RALGAPA2: variants seen among roughly 807,000 people sequenced by gnomAD.
RALGAPA2 encodes the protein ral GTPase-activating protein subunit alpha-2.
Under a neutral mutation model 230.4 loss-of-function variants are expected in RALGAPA2, and 139 were observed. The observed-to-expected ratio is 0.60, with a 90% CI of 0.53 to 0.69. RALGAPA2 has a LOEUF of 0.69. Ranked by LOEUF, RALGAPA2 falls within the 30% of genes least tolerant of loss-of-function variation. The pLI is 0.00. For synonymous variants in RALGAPA2, 847 were observed against 837.8 expected (o/e 1.01, Z -0.19); for missense variants, 2,163 against 2,276.0 (o/e 0.95, Z 1.01).
chr20:20,578,184 T>C (rs1404267006), intron 20 of RALGAPA2, among the ~76,000 whole-genome samples: 2 of 152,098 alleles, frequency 1.3e-5, no homozygotes, highest in African/African-American at 4.8e-5. Context: ...TGAACAAAAA[T>C]GTTAATGAGT....
chr20:20,629,562 C>G lies in RALGAPA2; in HGVS notation c.1034G>C (p.Arg345Thr). 4 of 1,613,582 alleles carry G rather than the reference C, an allele frequency of 2.5e-6. No homozygotes were observed. The highest frequency in any genetic ancestry group is 1.1e-5 in the South Asian group (1 of 91,044). The stretch of plus-strand genomic sequence containing the variant: ...CCCACCACCATCCAGCTCAGGCGCT[C>G]TCTCCTGCACAGCACCACCACCAAC... Reference protein sequence around the residue: ...QTVGGGAVQERAPELDGGGPT... With the variant: ...QTVGGGAVQETAPELDGGGPT... The change falls in exon 10 of 40, where the codon AGA becomes ACA. Residue 345 changes from arginine to threonine, a missense_variant. Coordinates refer to ENST00000202677, the MANE Select transcript of RALGAPA2 (RefSeq NM_020343.4).
intron 3 of RALGAPA2, among the ~76,000 whole-genome samples, chr20:20,666,690 CTATG>C (rs1848334342): frequency 6.6e-6 from 1 of 152,094 alleles, no homozygotes; most frequent in South Asian, 2.1e-4. Context: ...TGCCACCTTG[CTATG>C]TATTATTTGC....
At position 20,558,914 on chromosome 20, in the gene RALGAPA2, G is replaced by A. The variant is rs953451265; in HGVS notation, c.3157-12082C>T. On this transcript the variant is annotated intron_variant, in intron 23 of 39. Coordinates refer to ENST00000202677, the MANE Select transcript of RALGAPA2 (RefSeq NM_020343.4). ...TCATATGGTGAAATCGGGAAGCCTG[G>A]CTCTCAGGTTTGGGTGAAAATGAGT... is the stretch of plus-strand genomic sequence containing the variant. 4.6e-5 allele frequency among the ~76,000 whole-genome samples: 7 copies of A among 151,914 alleles called. No homozygotes were observed. In the South Asian group the frequency reaches 1.5e-3, roughly 32 times the overall value.
At chr20:20,535,905 C>G in intron 25 of RALGAPA2, 102 bp from the exon 26 acceptor site, 1 of 1,436,620 alleles carries the variant, frequency 7.0e-7, no homozygotes, top group South Asian at 1.5e-5. Context: ...GAAGTTCGAC[C>G]AGGGAGCTCA....
intron 23 of RALGAPA2, among the ~76,000 whole-genome samples, chr20:20,554,412 T>C (rs1000702134): frequency 6.6e-6 from 1 of 152,216 alleles, no homozygotes; most frequent in African/African-American, 2.4e-5. Context: ...CGTCTTTTCA[T>C]CAGTTGATGG....
chr20:20,660,811 C>G (rs1330340104), intron 3 of RALGAPA2, among the ~76,000 whole-genome samples: 2 of 152,076 alleles, frequency 1.3e-5, no homozygotes, highest in East Asian at 3.8e-4. Flanking sequence ...GTCTCACCTC[C>G]CTCCCAGGTG....
Position 20,472,922 on chromosome 20 carries a change from A to G in RALGAPA2, c.5402T>C (p.Ile1801Thr), listed in dbSNP as rs2061571561. ...PFFGPLFDGA[I>T]VSGKLLPSLV... The stretch of plus-strand genomic sequence containing the variant: ...GCTTGGCAGCAGCTTCCCACTCACT[A>G]TGGCTCCATCAAACAGAGGCCCAAA... The change falls in exon 37 of 40, where the codon ATA becomes ACA. Residue 1801 changes from isoleucine (I) to threonine (T), a missense_variant. Transcript: ENST00000202677. 6.2e-7 allele frequency: 1 copy of G among 1,612,270 alleles called. No homozygotes were observed. Among genetic ancestry groups the G allele is most frequent in the African/African-American group, 1.3e-5 (1 of 74,800 alleles).
chr20:20,579,819 AC>A (rs1357216122), intron 20 of RALGAPA2, among the ~76,000 whole-genome samples: 3 of 152,176 alleles, frequency 2.0e-5, no homozygotes, highest in Non-Finnish European at 4.4e-5. Context: ...GTTGAACAAT[AC>A]ATTGTTTCCT....
chr20:20,548,453 T>C (rs1283780440), intron 23 of RALGAPA2, among the ~76,000 whole-genome samples: 1 of 152,200 alleles, frequency 6.6e-6, no homozygotes, highest in Non-Finnish European at 1.5e-5. Flanking sequence ...TCAGTAGAGT[T>C]CACATATGGT....
chr20:20,481,388 C>T (rs1048139127), intron 36 of RALGAPA2, among the ~76,000 whole-genome samples: 6 of 152,192 alleles, frequency 3.9e-5, no homozygotes, highest in Non-Finnish European at 7.3e-5. Flanking sequence ...AACCTCCAGC[C>T]TCCAGGATTG....
chr20:20,533,825 T>C (rs1486736804), intron 26 of RALGAPA2, among the ~76,000 whole-genome samples: 1 of 152,092 alleles, frequency 6.6e-6, no homozygotes, highest in Non-Finnish European at 1.5e-5. Flanking sequence ...TAAAAAAAGA[T>C]ACCTATAGAA....
At chr20:20,520,783 G>T (rs2063013353) in intron 31 of RALGAPA2, 134 bp downstream of exon 31, 1 of 618,486 alleles carries the variant, frequency 1.6e-6, no homozygotes, top group Non-Finnish European at 2.5e-6. Flanking sequence ...GGCAGAATTT[G>T]CCATCACAGA....
At position 20,616,037 on chromosome 20, in the gene RALGAPA2, A is replaced by G; in HGVS notation, c.1688+6T>C. The G allele has an allele frequency of 6.8e-7, 1 of 1,478,696 alleles. No individual in the cohort carries two copies. The highest frequency in any genetic ancestry group is 1.4e-5 in the African/African-American group (1 of 70,292). The allele number at this position is 1,478,696 out of a possible 1,614,324, so 91.6% of individuals were successfully genotyped here. ...TACAATACTAATTAATTTGATATAAACTTACCATGTCTTTTTATTCATTGT... is the reference window on the plus strand; with the variant it reads ...TACAATACTAATTAATTTGATATAAGCTTACCATGTCTTTTTATTCATTGT... On this transcript the variant is annotated splice_donor_region_variant and intron_variant, in intron 13 of 39. Transcript: ENST00000202677.
chr20:20,611,893 C>T (rs148846819), intron 13 of RALGAPA2, among the ~76,000 whole-genome samples: 18 of 152,280 alleles, frequency 1.2e-4, no homozygotes, highest in African/African-American at 4.3e-4. Context: ...CAGTCAGTAT[C>T]TTGGTAAGGT....
chr20:20,577,353 A>G (rs1202292752), intron 20 of RALGAPA2, among the ~76,000 whole-genome samples: 1 of 152,142 alleles, frequency 6.6e-6, no homozygotes, highest in East Asian at 1.9e-4. Flanking sequence ...CCCAAGACAC[A>G]CATAAAAAAA....
At chr20:20,399,024 G>A (rs1192061188) in intron 38 of RALGAPA2, among the ~76,000 whole-genome samples, 1 of 152,170 alleles carries the variant, frequency 6.6e-6, no homozygotes, top group East Asian at 1.9e-4. Flanking sequence ...TGTCTCAGAA[G>A]GCTCCACGGT....
At chr20:20,526,107 G>A (rs2063193715) in intron 28 of RALGAPA2, 145 bp downstream of exon 28, 1 of 662,092 alleles carries the variant, frequency 1.5e-6, no homozygotes. Context: ...AGAAGAACCA[G>A]TCTAACTTAA....
intron 3 of RALGAPA2, among the ~76,000 whole-genome samples, chr20:20,675,887 T>A (rs1183636294): frequency 1.3e-5 from 2 of 152,152 alleles, no homozygotes; most frequent in African/African-American, 2.4e-5. Flanking sequence ...GGTTTTTAAA[T>A]TTTTTTATTT....
chr20:20,406,549 G>A (rs1671378389), intron 38 of RALGAPA2, among the ~76,000 whole-genome samples: 1 of 152,220 alleles, frequency 6.6e-6, no homozygotes, highest in South Asian at 2.1e-4. Flanking sequence ...ACAGCCAAGT[G>A]TGCTGAGGGT....
Sources: gnomAD v4.1 joint callset for allele counts (sites outside exome capture counted in the v4.1 genomes callset) on GRCh38, gnomAD v4.1.1 for gene constraint, MANE v1.5 for transcripts, NCBI Gene and HGNC (gene_info 2026-07-23, HGNC 2026-07-21) for gene names.